Variants in COG5 observed in about 807,000 individuals in gnomAD.
COG5 encodes component of oligomeric golgi complex 5.
In COG5, 86 loss-of-function variants were observed where a neutral mutation model predicts 110.4. The observed-to-expected ratio is 0.78, with a 90% CI of 0.65 to 0.93. The LOEUF (loss-of-function observed/expected upper bound fraction) is 0.93, where lower values mean the gene tolerates loss of function less well. COG5 is among the 40% of genes least tolerant of loss of function. COG5 has a pLI of 0.00. For synonymous variants in COG5, 360 were observed against 334.6 expected, an observed-to-expected ratio of 1.08 and a Z score of -0.83; for missense variants, 1,077 against 987.0, an observed-to-expected ratio of 1.09 and a Z score of -1.22.
chr7:107,528,610 C>G (rs967533039), intron 5 of COG5, among the ~76,000 whole-genome samples: 1 of 152,048 alleles, frequency 6.6e-6, no homozygotes, highest in Non-Finnish European at 1.5e-5. Context: ...TACTGAATAA[C>G]CAACATGTAG....
intron 6 of COG5, among the ~76,000 whole-genome samples, chr7:107,420,647 G>C (rs1793220345): frequency 6.6e-6 from 1 of 152,170 alleles, no homozygotes; most frequent in South Asian, 2.1e-4. Flanking sequence ...ATTTTTAATA[G>C]ATATGGGGTT....
chr7:107,258,212 T>A, intron 15 of COG5, 61 bp downstream of exon 15: 1 of 976,792 alleles, frequency 1.0e-6, no homozygotes, highest in Non-Finnish European at 1.6e-6. Context: ...TTGTAAACTG[T>A]CCAAATTTGA....
intron 10 of COG5, among the ~76,000 whole-genome samples, chr7:107,336,304 T>C (rs78126316): frequency 0.019 from 2,864 of 152,270 alleles, 88 homozygotes; most frequent in African/African-American, 0.064. Flanking sequence ...AACAGAAATA[T>C]TGCATATTCT....
At chr7:107,388,406 C>G (rs1478155290) in intron 7 of COG5, among the ~76,000 whole-genome samples, 1 of 152,130 alleles carries the variant, frequency 6.6e-6, no homozygotes, top group Non-Finnish European at 1.5e-5. Context: ...AATGGTCCAG[C>G]TTATGCCAGC....
intron 17 of COG5, among the ~76,000 whole-genome samples, chr7:107,237,363 A>G (rs1185284470): frequency 6.6e-6 from 1 of 152,258 alleles, no homozygotes. Flanking sequence ...GAATATATTA[A>G]AAGAATGTGA....
chr7:107,436,913 C>A (rs1208929955), intron 6 of COG5, among the ~76,000 whole-genome samples: 1 of 151,940 alleles, frequency 6.6e-6, no homozygotes, highest in African/African-American at 2.4e-5. Context: ...CAAATATAAC[C>A]CTGATTCGTC....
intron 17 of COG5, among the ~76,000 whole-genome samples, chr7:107,241,222 T>C (rs1484839323): frequency 6.6e-6 from 1 of 152,098 alleles, no homozygotes; most frequent in East Asian, 1.9e-4. Flanking sequence ...TTGTTTTGGC[T>C]CCCTTCTGAG....
chr7:107,496,661 AAAAAAAC>A (rs1275905841), intron 6 of COG5, among the ~76,000 whole-genome samples: 5 of 151,562 alleles, frequency 3.3e-5, no homozygotes, highest in South Asian at 4.2e-4. Flanking sequence ...CTGTCTCAAA[AAAAAAAC>A]AAAAAACAAA....
intron 19 of COG5, 21 bp from the exon 20 acceptor site, chr7:107,211,246 T>G: frequency 6.2e-7 from 1 of 1,612,758 alleles, no homozygotes; most frequent in Non-Finnish European, 8.5e-7. Context: ...AAAACAGAAG[T>G]TATTTCACAC....
rs754919944 is a variant in COG5, at chr7:107,546,435, GT to G, written c.417+1675del. On this transcript the variant is annotated intron_variant, in intron 5 of 21. Coordinates refer to ENST00000297135, the MANE Select transcript of COG5 (RefSeq NM_006348.5). Reference sequence around the variant, plus strand: ...ACCAAGAGTTGTGTTTTGGTTTTTTGTTTTTTTTTTTTTTTTTTGAGACAAG... The same window carrying G: ...ACCAAGAGTTGTGTTTTGGTTTTTTGTTTTTTTTTTTTTTTTTGAGACAAG... Among the ~76,000 whole-genome samples, 465 of 119,522 alleles carry G rather than the reference GT, an allele frequency of 3.9e-3. 5 individuals carry two copies. Among genetic ancestry groups the G allele is most frequent in the African/African-American group, 0.013 (416 of 33,040 alleles). The allele number at this position is 119,522 out of a possible 152,430, so 78.4% of individuals were successfully genotyped here. A position where few individuals can be genotyped will look rare whatever the true frequency, so the allele number is the denominator to read the frequency against.
chr7:107,288,237 G>A (rs536142688), intron 12 of COG5, among the ~76,000 whole-genome samples: 58 of 152,200 alleles, frequency 3.8e-4, no homozygotes, highest in African/African-American at 1.1e-3. Context: ...GGGAGTGCAC[G>A]CCTGTAATCC....
At chr7:107,327,874 A>G (rs1011411303) in intron 10 of COG5, among the ~76,000 whole-genome samples, 2 of 152,340 alleles carry the variant, frequency 1.3e-5, no homozygotes, top group African/African-American at 2.4e-5. Context: ...TGTAGCCACT[A>G]TGGAAAACAT....
chr7:107,487,902 A>T (rs1797744515), intron 6 of COG5, among the ~76,000 whole-genome samples: 1 of 152,176 alleles, frequency 6.6e-6, no homozygotes, highest in East Asian at 1.9e-4. Flanking sequence ...ACAGTAATGC[A>T]TAAGCAAACA....
chr7:107,502,400 T>G (rs1043538709), intron 6 of COG5, among the ~76,000 whole-genome samples: 1 of 152,118 alleles, frequency 6.6e-6, no homozygotes, highest in Non-Finnish European at 1.5e-5. Flanking sequence ...ATACATCACG[T>G]TGTCTTTATT....
chr7:107,350,772 G>C (rs1216825116), intron 10 of COG5, among the ~76,000 whole-genome samples: 3 of 152,094 alleles, frequency 2.0e-5, no homozygotes, highest in Non-Finnish European at 4.4e-5. Context: ...TTGGTGTAAT[G>C]CAAGACTCTC....
At chr7:107,294,948 CACAT>C (rs200004529) in intron 12 of COG5, among the ~76,000 whole-genome samples, 18,159 of 122,676 alleles carry the variant, frequency 0.15, 1,873 homozygotes, top group Non-Finnish European at 0.21. Context: ...CACACACACA[CACAT>C]ATATATATAC....
intron 15 of COG5, 140 bp from the exon 16 acceptor site, chr7:107,256,934 T>A (rs1223552207): frequency 1.5e-6 from 1 of 654,384 alleles, no homozygotes; most frequent in African/African-American, 1.8e-5. Flanking sequence ...ATCTTATACA[T>A]GATTTTAAAA....
intron 11 of COG5, among the ~76,000 whole-genome samples, chr7:107,301,565 A>T (rs1052921752): frequency 1.3e-5 from 2 of 152,212 alleles, no homozygotes; most frequent in Non-Finnish European, 2.9e-5. Context: ...CAAATGACTA[A>T]AATTAAAAAG....
At chr7:107,366,195 T>C (rs982244649) in intron 8 of COG5, among the ~76,000 whole-genome samples, 5 of 151,884 alleles carry the variant, frequency 3.3e-5, no homozygotes, top group Admixed American at 3.3e-4. Context: ...CAAGTTATAA[T>C]AAACGAGAGT....
Sources: allele counts gnomAD v4.1 joint callset (sites outside exome capture counted in the v4.1 genomes callset), GRCh38; gene constraint gnomAD v4.1.1; transcripts MANE v1.5; gene names NCBI Gene and HGNC (gene_info 2026-07-23, HGNC 2026-07-21).